Variants in UNC13A observed in about 807,000 individuals in gnomAD.
UNC13A encodes protein unc-13 homolog A.
In UNC13A, 61 loss-of-function variants were observed where a neutral mutation model predicts 219.7. The ratio of observed to expected loss-of-function variants is 0.28; its 90% CI spans 0.23 to 0.34. The LOEUF is 0.34. UNC13A is among the 10% of genes least tolerant of loss of function. UNC13A has a pLI of 1.00. For missense variants in UNC13A, 1,476 were observed against 2,270.3 expected (o/e 0.65, Z 7.11); for synonymous variants, 920 against 884.6 (o/e 1.04, Z -0.71).
At position 17,684,785 on chromosome 19, in the gene UNC13A, A is replaced by G. The variant is rs574857350; in HGVS notation, c.22+3393T>C. Reference sequence around the variant, plus strand: ...TGGATATGAGTGTGCATGTGTGCAGAGTATGTGCACCATTTAAGTGCAGGT... The same window carrying G: ...TGGATATGAGTGTGCATGTGTGCAGGGTATGTGCACCATTTAAGTGCAGGT... On this transcript the variant is annotated intron_variant, in intron 1 of 43. Transcript: ENST00000519716. Among the ~76,000 whole-genome samples, 173 of 152,294 alleles carry G rather than the reference A, an allele frequency of 1.1e-3. 1 individual carries two copies. The highest frequency in any genetic ancestry group is 3.9e-3 in the African/African-American group (163 of 41,556).
chr19:17,638,852 T>C (rs1426346087), intron 25 of UNC13A, among the ~76,000 whole-genome samples: 2 of 152,086 alleles, frequency 1.3e-5, no homozygotes, highest in African/African-American at 2.4e-5. Flanking sequence ...TTTTTTTTTA[T>C]GCCAAACTCA....
rs966119634 is a variant in UNC13A, at chr19:17,606,435, C to A, written c.4812-81G>T. ...CACGGCCCCGTCCCCACCGCATTTG[C>A]GGGCCACGCCCACACCGGGGTGCCC... On this transcript the variant is annotated intron_variant, in intron 43 of 43. Coordinates refer to ENST00000519716, the MANE Select transcript of UNC13A (RefSeq NM_001080421.3). 3.4e-6 allele frequency: 5 copies of A among 1,492,162 alleles called. No individual in the cohort carries two copies. The African/African-American group carries it at 5.6e-5, about 17-fold the overall frequency. The allele number at this position is 1,492,162 out of a possible 1,614,324, so 92.4% of individuals were successfully genotyped here.
chr19:17,619,802 C>A (rs2144959403), intron 38 of UNC13A, among the ~76,000 whole-genome samples: 1 of 152,296 alleles, frequency 6.6e-6, no homozygotes, highest in East Asian at 1.9e-4. Flanking sequence ...ACCCCACCCC[C>A]AAACAGACAC....
At chr19:17,670,181 C>T (rs1454191256) in intron 4 of UNC13A, among the ~76,000 whole-genome samples, 4 of 151,480 alleles carry the variant, frequency 2.6e-5, no homozygotes, top group Admixed American at 1.3e-4. Flanking sequence ...CTCCTGACCT[C>T]GTGATCCACC....
chr19:17,632,947 C>A (rs1249621957), intron 27 of UNC13A, 39 bp from the exon 28 acceptor site: 8 of 1,612,988 alleles, frequency 5.0e-6, no homozygotes, highest in African/African-American at 1.3e-5. Flanking sequence ...CTGGAAGGGT[C>A]TGCCACCCTC....
intron 17 of UNC13A, 116 bp downstream of exon 17, chr19:17,647,149 A>G: frequency 1.0e-6 from 1 of 973,054 alleles, no homozygotes; most frequent in Non-Finnish European, 1.5e-6. Context: ...GATGGAATGC[A>G]CCCGACCGAG....
chr19:17,686,435 G>T (rs1428247890), intron 1 of UNC13A, among the ~76,000 whole-genome samples: 1 of 151,572 alleles, frequency 6.6e-6, no homozygotes, highest in Non-Finnish European at 1.5e-5. Flanking sequence ...ACCCACGTCG[G>T]AACCTCCTCC....
At chr19:17,646,208 C>A (rs992039863) in intron 17 of UNC13A, 97 bp from the exon 18 acceptor site, 3 of 1,529,382 alleles carry the variant, frequency 2.0e-6, no homozygotes, top group Non-Finnish European at 2.6e-6. Flanking sequence ...AATTGGGACA[C>A]CTGCAGCATG....
intron 37 of UNC13A, among the ~76,000 whole-genome samples, chr19:17,621,140 C>T (rs1354193051): frequency 2.6e-5 from 4 of 152,156 alleles, no homozygotes; most frequent in Admixed American, 2.6e-4. Context: ...TGCTGAAGAA[C>T]CCATACACTA....
intron 41 of UNC13A, chr19:17,616,312 G>T: frequency 1.6e-6 from 1 of 638,072 alleles, no homozygotes. Flanking sequence ...GCAGGCCCTT[G>T]AGGCAGAAGG....
chr19:17,673,646 T>C (rs1450955290), intron 3 of UNC13A, among the ~76,000 whole-genome samples: 1 of 151,484 alleles, frequency 6.6e-6, no homozygotes, highest in Non-Finnish European at 1.5e-5. Context: ...TGAGCCGAGA[T>C]TGCACCACTA....
At chr19:17,651,877 A>G (rs2079355438) in intron 12 of UNC13A, among the ~76,000 whole-genome samples, 1 of 152,130 alleles carries the variant, frequency 6.6e-6, no homozygotes, top group African/African-American at 2.4e-5. Context: ...ACCTGAGCAT[A>G]TTTTTAAAAT....
At chr19:17,653,665 T>C (rs1032984709) in intron 11 of UNC13A, among the ~76,000 whole-genome samples, 1 of 151,406 alleles carries the variant, frequency 6.6e-6, no homozygotes, top group African/African-American at 2.4e-5. Context: ...TATTTTTTAT[T>C]TTTTTCTTTT....
At chr19:17,623,624 G>A (rs1225075616) in intron 35 of UNC13A, 77 bp from the exon 36 acceptor site, 9 of 784,088 alleles carry the variant, frequency 1.1e-5, no homozygotes, top group South Asian at 1.1e-4. Context: ...AGGCCAGGGA[G>A]GGGGCAGAGA....
At chr19:17,609,419 T>G (rs762707831) in intron 43 of UNC13A, among the ~76,000 whole-genome samples, 4 of 151,230 alleles carry the variant, frequency 2.6e-5, no homozygotes, top group Non-Finnish European at 4.4e-5. Context: ...AAGCCTGGGA[T>G]CCATCTACAC....
At chr19:17,632,437 T>C (rs577333849) in intron 28 of UNC13A, among the ~76,000 whole-genome samples, 14 of 152,338 alleles carry the variant, frequency 9.2e-5, no homozygotes, top group African/African-American at 2.2e-4. Flanking sequence ...GTCTCCCAGA[T>C]TGCCGGGGCT....
At chr19:17,686,516 TCTC>T (rs2080115198) in intron 1 of UNC13A, among the ~76,000 whole-genome samples, 1 of 151,386 alleles carries the variant, frequency 6.6e-6, no homozygotes, top group Admixed American at 6.6e-5. Context: ...ACATTCAAGT[TCTC>T]CTCCCATTCC....
intron 7 of UNC13A, among the ~76,000 whole-genome samples, chr19:17,665,938 A>G (rs1231879955): frequency 6.7e-6 from 1 of 149,552 alleles, no homozygotes; most frequent in Non-Finnish European, 1.5e-5. Flanking sequence ...AATATCGAAG[A>G]GGGACACTGG....
intron 1 of UNC13A, among the ~76,000 whole-genome samples, chr19:17,682,421 T>G (rs1446474420): frequency 6.6e-6 from 1 of 152,210 alleles, no homozygotes; most frequent in East Asian, 1.9e-4. Flanking sequence ...ATGCAGAGGA[T>G]GTGAGACTTG....
Sources: gnomAD v4.1 joint callset for allele counts (sites outside exome capture counted in the v4.1 genomes callset) on GRCh38, gnomAD v4.1.1 for gene constraint, MANE v1.5 for transcripts, NCBI Gene and HGNC (gene_info 2026-07-23, HGNC 2026-07-21) for gene names.